GRIK2: variants seen among roughly 807,000 people sequenced by gnomAD.
The protein encoded by GRIK2 is glutamate receptor ionotropic, kainate 2.
A neutral mutation model predicts 100.3 loss-of-function variants in GRIK2; 32 were observed. The ratio of observed to expected loss-of-function variants is 0.32; its 90% CI spans 0.24 to 0.43. GRIK2 has a LOEUF of 0.43. GRIK2 is among the 20% of genes least tolerant of loss of function. The probability of loss-of-function intolerance (pLI) is 1.00; values close to 1 mark genes in which losing one functional copy is unlikely to be tolerated. For synonymous variants in GRIK2, 417 were observed against 389.4 expected, an observed-to-expected ratio of 1.07 and a Z score of -0.83; for missense variants, 843 against 1,114.9, an observed-to-expected ratio of 0.76 and a Z score of 3.47.
At chr6:102,041,695 T>TAAAG (rs1160499252) in intron 15 of GRIK2, among the ~76,000 whole-genome samples, 3 of 151,528 alleles carry the variant, frequency 2.0e-5, no homozygotes, top group East Asian at 1.9e-4. Flanking sequence ...TGGATTGTGA[T>TAAAG]AAAGATTGAG....
At chr6:101,988,505 A>C (rs1189648767) in intron 14 of GRIK2, among the ~76,000 whole-genome samples, 1 of 151,784 alleles carries the variant, frequency 6.6e-6, no homozygotes, top group Non-Finnish European at 1.5e-5. Context: ...GCCTAAATTG[A>C]ATTCTGGTTC....
At chr6:101,980,619 CT>C (rs1793656266) in intron 14 of GRIK2, among the ~76,000 whole-genome samples, 1 of 151,758 alleles carries the variant, frequency 6.6e-6, no homozygotes, top group South Asian at 2.1e-4. Flanking sequence ...TTGGTCAGAA[CT>C]TTTTAAGGAT....
intron 11 of GRIK2, among the ~76,000 whole-genome samples, chr6:101,865,612 C>T (rs1033708439): frequency 2.6e-5 from 4 of 152,100 alleles, no homozygotes; most frequent in East Asian, 3.9e-4. Context: ...AAAGGCTAGG[C>T]GTCGTGACTC....
At chr6:101,439,553 G>C (rs1438034293) in intron 2 of GRIK2, among the ~76,000 whole-genome samples, 1 of 152,030 alleles carries the variant, frequency 6.6e-6, no homozygotes, top group African/African-American at 2.4e-5. Context: ...TTAAAGCCAT[G>C]ATTTTCTGAT....
At chr6:101,415,346 G>A (rs565363103) in intron 2 of GRIK2, among the ~76,000 whole-genome samples, 3 of 143,040 alleles carry the variant, frequency 2.1e-5, no homozygotes, top group Admixed American at 7.0e-5. Flanking sequence ...TTTTTCTGTC[G>A]TCAAGTATTT....
At position 101,718,286 on chromosome 6, in the gene GRIK2, T is replaced by C. The variant is rs9498674; in HGVS notation, c.951+31933T>C. Among the ~76,000 whole-genome samples the C allele has an allele frequency of 6.5e-3, 991 of 151,928 alleles. 9 individuals carry two copies. The highest frequency in any genetic ancestry group is 0.022 in the African/African-American group (919 of 41,512). On this transcript the variant is annotated intron_variant, in intron 7 of 16. Transcript: ENST00000369134. ...AACACATTGGAGAAGGGAGAATCTT[T>C]GTAGCAAAAAATAACTAGAAAACCA...
In GRIK2 at chr6:101,911,769, A is replaced by C. The variant is rs546751736; in HGVS notation, c.1749-12832A>C. On this transcript the variant is annotated intron_variant, in intron 12 of 16. Transcript: ENST00000369134. Reference sequence around the variant, plus strand: ...ATAACTTGAGAACATTTAGTCTAATATGATCATTTTTCAGGGAGGAAAAGT... The same window carrying C: ...ATAACTTGAGAACATTTAGTCTAATCTGATCATTTTTCAGGGAGGAAAAGT... Among the ~76,000 whole-genome samples, 19 of 151,556 alleles carry C rather than the reference A, an allele frequency of 1.3e-4. No homozygotes were observed. The South Asian group carries it at 3.7e-3, about 30-fold the overall frequency.
chr6:101,811,506 A>C (rs1314034666), intron 9 of GRIK2, among the ~76,000 whole-genome samples: 4 of 152,028 alleles, frequency 2.6e-5, no homozygotes, highest in Non-Finnish European at 1.5e-5. Flanking sequence ...GGAGAATTTA[A>C]ATTATTTCTT....
At chr6:101,950,963 T>G (rs1307855631) in intron 14 of GRIK2, among the ~76,000 whole-genome samples, 1 of 152,156 alleles carries the variant, frequency 6.6e-6, no homozygotes, top group Non-Finnish European at 1.5e-5. Flanking sequence ...GGCCATAGAT[T>G]TTATTTTTAA....
chr6:101,407,574 C>G (rs142575597), intron 2 of GRIK2, among the ~76,000 whole-genome samples: 7 of 152,094 alleles, frequency 4.6e-5, no homozygotes, highest in African/African-American at 1.7e-4. Context: ...AGTACATTAT[C>G]TCATGGGTTA....
At chr6:101,937,515 T>C (rs1005525514) in intron 14 of GRIK2, among the ~76,000 whole-genome samples, 2 of 152,044 alleles carry the variant, frequency 1.3e-5, no homozygotes, top group Non-Finnish European at 2.9e-5. Flanking sequence ...AGGACATATT[T>C]TGGATGCAAA....
chr6:101,812,952 GA>G (rs938467750), intron 9 of GRIK2, among the ~76,000 whole-genome samples: 3 of 151,950 alleles, frequency 2.0e-5, no homozygotes, highest in African/African-American at 4.8e-5. Context: ...GACAATTTAA[GA>G]AAAGAACCAT....
intron 2 of GRIK2, among the ~76,000 whole-genome samples, chr6:101,509,241 C>T (rs1013690769): frequency 5.3e-5 from 8 of 151,594 alleles, no homozygotes; most frequent in African/African-American, 1.7e-4. Flanking sequence ...ACACAGACAC[C>T]TTACCAACTT....
intron 2 of GRIK2, among the ~76,000 whole-genome samples, chr6:101,485,612 G>A (rs541862650): frequency 1.3e-5 from 2 of 152,234 alleles, no homozygotes; most frequent in South Asian, 4.1e-4. Flanking sequence ...TTTAGAAAAG[G>A]ATTTGCACCA....
intron 2 of GRIK2, among the ~76,000 whole-genome samples, chr6:101,515,545 T>A (rs553056660): frequency 6.6e-6 from 1 of 152,260 alleles, no homozygotes; most frequent in East Asian, 1.9e-4. Context: ...AGTGTAGAAG[T>A]GTTCCCTGTT....
At chr6:101,610,310 TA>T (rs1393656155) in intron 2 of GRIK2, among the ~76,000 whole-genome samples, 9 of 151,832 alleles carry the variant, frequency 5.9e-5, no homozygotes, top group African/African-American at 2.2e-4. Context: ...ATAATACTAT[TA>T]AATTAATTTG....
chr6:101,793,803 G>GC (rs1313195780), intron 7 of GRIK2, among the ~76,000 whole-genome samples: 3 of 152,160 alleles, frequency 2.0e-5, no homozygotes, highest in Non-Finnish European at 4.4e-5. Flanking sequence ...TCTGTGCCCT[G>GC]CCCCCAGAGG....
Position 101,551,272 on chromosome 6 carries a change from G to T in GRIK2, c.116-70677G>T, listed in dbSNP as rs561382862. ...TTTGGGAGAGCTTCGTATAGCACTT[G>T]CAAACAGAAATTTTAGGTGATATCC... On this transcript the variant is annotated intron_variant, in intron 2 of 16. Transcript: ENST00000369134. Among the ~76,000 whole-genome samples, 33 of 152,250 alleles carry T rather than the reference G, an allele frequency of 2.2e-4. No homozygotes were observed. In the South Asian group the frequency reaches 4.8e-3, roughly 22 times the overall value.
At chr6:101,839,286 G>A (rs1783351656) in intron 10 of GRIK2, among the ~76,000 whole-genome samples, 1 of 152,178 alleles carries the variant, frequency 6.6e-6, no homozygotes, top group African/African-American at 2.4e-5. Flanking sequence ...GCTGTATTTG[G>A]TTTAGGAATA....
Sources: allele counts gnomAD v4.1 joint callset (sites outside exome capture counted in the v4.1 genomes callset), GRCh38; gene constraint gnomAD v4.1.1; transcripts MANE v1.5; gene names NCBI Gene and HGNC (gene_info 2026-07-23, HGNC 2026-07-21).